TRPM7: variants seen among roughly 807,000 people sequenced by gnomAD.
TRPM7 encodes the protein transient receptor potential cation channel subfamily M member 7, also known as LTRPC ion channel family member 7.
Under a neutral mutation model 229.7 loss-of-function variants are expected in TRPM7, and 134 were observed. The observed-to-expected ratio is 0.58, with a 90% CI of 0.51 to 0.67. The LOEUF (loss-of-function observed/expected upper bound fraction) is 0.67. TRPM7 is among the 30% of genes least tolerant of loss of function. The probability of loss-of-function intolerance (pLI) is 0.00; values close to 1 mark genes in which losing one functional copy is unlikely to be tolerated. For missense variants in TRPM7, 1,901 were observed against 2,210.0 expected (o/e 0.86, Z 2.80); for synonymous variants, 699 against 715.2 (o/e 0.98, Z 0.36).
intron 4 of TRPM7, among the ~76,000 whole-genome samples, chr15:50,648,089 A>G (rs1239353670): frequency 6.6e-6 from 1 of 152,178 alleles, no homozygotes; most frequent in African/African-American, 2.4e-5. Context: ...ATTAGATATT[A>G]TAAGGAATCT....
intron 38 of TRPM7, among the ~76,000 whole-genome samples, chr15:50,563,123 C>G (rs930709465): frequency 3.9e-5 from 6 of 152,124 alleles, no homozygotes; most frequent in African/African-American, 1.4e-4. Flanking sequence ...GATTGTGGGC[C>G]AAATCTGGTC....
rs574528295 is a variant in TRPM7 at position 50,595,151 on chromosome 15, T to C, written c.3291-538A>G. ...CCAGATGGAAGAGGCTACAGTGAGC[T>C]GTGATAGTGCCACTGCACTCCAGCC... is the stretch of plus-strand genomic sequence containing the variant. On this transcript the variant is annotated intron_variant, in intron 23 of 38. Transcript: ENST00000646667. 3.3e-5 allele frequency among the ~76,000 whole-genome samples: 5 copies of C among 152,122 alleles called. No homozygotes were observed. The South Asian group carries it at 8.3e-4, about 25-fold the overall frequency.
At position 50,611,270 on chromosome 15, in the gene TRPM7, A is replaced by G; in HGVS notation, c.2103T>C (p.Asp701=). 6.2e-7 allele frequency: 1 copy of G among 1,613,946 alleles called. No individual in the cohort carries two copies. The highest frequency in any genetic ancestry group is 8.5e-7 in the Non-Finnish European group (1 of 1,179,920). Residue 701 remains aspartate, a synonymous_variant, in exon 17 of 39, where the codon GAT becomes GAC. Coordinates refer to ENST00000646667, the MANE Select transcript of TRPM7 (RefSeq NM_017672.6). The part of the protein sequence containing the change: ...VELLEQSFRQ[D]ETMAMKLLTY... ...TGAGCAATTTCATAGCCATGGTTTC[A>G]TCTTGTCTGAAGGACTGTTCTAATA...
chr15:50,591,042 T>C lies in TRPM7; in HGVS notation c.4324+869A>G, dbSNP rs370275209. Among the ~76,000 whole-genome samples, 4 of 152,296 alleles carry C rather than the reference T, an allele frequency of 2.6e-5. No individual in the cohort carries two copies. In the East Asian group the frequency reaches 7.7e-4, roughly 29 times the overall value. The stretch of plus-strand genomic sequence containing the variant: ...GTTTTCACTAAGGTCTTTAATGTGT[T>C]ACTGCCAAAATAAACATTTTTTTTT... On this transcript the variant is annotated intron_variant, in intron 26 of 38. Coordinates refer to ENST00000646667, the MANE Select transcript of TRPM7 (RefSeq NM_017672.6).
At chr15:50,618,017 A>T (rs187491703) in intron 13 of TRPM7, among the ~76,000 whole-genome samples, 28 of 152,312 alleles carry the variant, frequency 1.8e-4, no homozygotes, top group African/African-American at 6.7e-4. Context: ...AAATAAATAA[A>T]TAATTCTAAA....
intron 4 of TRPM7, 118 bp downstream of exon 4, chr15:50,648,569 C>T (rs1249284359): frequency 1.2e-6 from 1 of 831,106 alleles, no homozygotes; most frequent in African/African-American, 1.7e-5. Flanking sequence ...CACCTTTGTA[C>T]TTTAAAATAT....
chr15:50,675,280 T>C (rs1032232047), intron 1 of TRPM7, among the ~76,000 whole-genome samples: 1 of 151,754 alleles, frequency 6.6e-6, no homozygotes, highest in Non-Finnish European at 1.5e-5. Context: ...GACACAGAGG[T>C]TGCAGTGAGC....
rs749526978 is a variant in TRPM7 at position 50,589,707 on chromosome 15, C to T, written c.4325-51G>A. 7.3e-6 allele frequency: 9 copies of T among 1,232,652 alleles called. 1 individual carries two copies. In the South Asian group the frequency reaches 9.1e-5, roughly 12 times the overall value. 76.4% of individuals were successfully genotyped at this position (1,232,652 alleles called of 1,614,324 possible). On this transcript the variant is annotated intron_variant, in intron 26 of 38. Transcript: ENST00000646667. Reference sequence around the variant, plus strand: ...ATGAGAAATTTTTATTTTTCTTCACCGAAATAATGGCACTGCTTAAAGTTT... The same window carrying T: ...ATGAGAAATTTTTATTTTTCTTCACTGAAATAATGGCACTGCTTAAAGTTT...
intron 29 of TRPM7, among the ~76,000 whole-genome samples, chr15:50,581,947 C>G (rs2054434577): frequency 6.6e-6 from 1 of 151,884 alleles, no homozygotes; most frequent in Non-Finnish European, 1.5e-5. Flanking sequence ...TGTGCCTAAT[C>G]TGTTAATTAA....
rs138576409 is a variant in TRPM7 at position 50,588,962 on chromosome 15, T to A, written c.4389+630A>T. On this transcript the variant is annotated intron_variant, in intron 27 of 38. Transcript: ENST00000646667. ...GTCATGTTCAAATAAAACTTTTGGATCTGGGAAGAGTGAGCTCATTAAGTA... is the reference window on the plus strand; with the variant it reads ...GTCATGTTCAAATAAAACTTTTGGAACTGGGAAGAGTGAGCTCATTAAGTA... 7.0e-3 allele frequency among the ~76,000 whole-genome samples: 1,060 copies of A among 152,244 alleles called. 4 individuals carry two copies. Among genetic ancestry groups the A allele is most frequent in the Admixed American group, 0.014 (212 of 15,286 alleles).
chr15:50,578,141 T>C (rs942833480), intron 31 of TRPM7, among the ~76,000 whole-genome samples: 6 of 152,232 alleles, frequency 3.9e-5, no homozygotes, highest in Admixed American at 3.3e-4. Flanking sequence ...TACATGGCTA[T>C]ACTTACTTTG....
intron 28 of TRPM7, among the ~76,000 whole-genome samples, chr15:50,586,127 G>A (rs750848544): frequency 6.6e-5 from 10 of 152,168 alleles, no homozygotes; most frequent in Admixed American, 4.6e-4. Context: ...AGATACATTT[G>A]CAAAAGCTAA....
chr15:50,644,192 G>C (rs2061191549), intron 4 of TRPM7, among the ~76,000 whole-genome samples: 1 of 152,092 alleles, frequency 6.6e-6, no homozygotes. Flanking sequence ...GGATTCTCCA[G>C]TTTAATTTTT....
intron 26 of TRPM7, among the ~76,000 whole-genome samples, chr15:50,590,686 T>A (rs1410647495): frequency 1.3e-5 from 2 of 152,158 alleles, no homozygotes; most frequent in South Asian, 2.1e-4. Context: ...TAGCCAGGTG[T>A]GGTGGCGTGT....
In TRPM7 at chr15:50,575,733, G is replaced by A. The variant is rs1293134364; in HGVS notation, c.4726C>T (p.Pro1576Ser). ...LSQSIPFTPV[P>S]PRGEPVTVYR... The stretch of plus-strand genomic sequence containing the variant: ...TAATTTTTGGATTTACCTCTTGGAG[G>A]CACAGGTGTAAATGGAATGCTCTGT... Residue 1576 changes from proline (P) to serine (S), a missense_variant, in exon 33 of 39, where the codon CCT becomes TCT. Transcript: ENST00000646667. The A allele has an allele frequency of 6.2e-7, 1 of 1,610,934 alleles. No homozygotes were observed. The highest frequency in any genetic ancestry group is 1.3e-5 in the African/African-American group (1 of 74,766).
Position 50,561,605 on chromosome 15 carries a change from C to A in TRPM7, c.*73G>T. 6.4e-7 allele frequency: 1 copy of A among 1,568,772 alleles called. No homozygotes were observed. The highest frequency in any genetic ancestry group is 8.7e-7 in the Non-Finnish European group (1 of 1,155,072). On this transcript the variant is annotated 3_prime_UTR_variant, in exon 39 of 39. Coordinates refer to ENST00000646667, the MANE Select transcript of TRPM7 (RefSeq NM_017672.6). ...CCTTTCTATATTACCAAACAATTTC[C>A]TCCCGAGGGAAAAGTGACACAGTAA... is the stretch of plus-strand genomic sequence containing the variant.
intron 1 of TRPM7, among the ~76,000 whole-genome samples, chr15:50,673,122 GTGT>G (rs2062026712): frequency 6.6e-6 from 1 of 151,836 alleles, no homozygotes; most frequent in Non-Finnish European, 1.5e-5. Context: ...TAGGTGTACA[GTGT>G]TTATCAAGTC....
intron 27 of TRPM7, among the ~76,000 whole-genome samples, chr15:50,589,059 C>T (rs1031542404): frequency 1.2e-4 from 19 of 152,234 alleles, no homozygotes; most frequent in African/African-American, 4.3e-4. Flanking sequence ...CAGTGGCTCA[C>T]GCCTATAATC....
At chr15:50,605,795 C>T (rs1336649202) in intron 20 of TRPM7, among the ~76,000 whole-genome samples, 1 of 152,162 alleles carries the variant, frequency 6.6e-6, no homozygotes, top group Non-Finnish European at 1.5e-5. Context: ...TTGCAATTTG[C>T]TTTTATCATT....
Sources: allele counts gnomAD v4.1 joint callset (sites outside exome capture counted in the v4.1 genomes callset), GRCh38; gene constraint gnomAD v4.1.1; transcripts MANE v1.5; gene names NCBI Gene and HGNC (gene_info 2026-07-23, HGNC 2026-07-21).